The following PPM1E variants were observed in gnomAD, a reference collection of about 807,000 sequenced individuals.
PPM1E encodes the protein protein phosphatase 1E.
A neutral mutation model predicts 65.9 loss-of-function variants in PPM1E; 20 were observed. The ratio of observed to expected loss-of-function variants is 0.30; its 90% CI spans 0.21 to 0.44. The LOEUF is 0.44. PPM1E is among the 20% of genes least tolerant of loss of function. The pLI is 1.00. For missense variants in PPM1E, 713 were observed against 953.1 expected (o/e 0.75, Z 3.32); for synonymous variants, 352 against 374.9 (o/e 0.94, Z 0.70).
chr17:58,784,850 A>G lies in PPM1E; in HGVS notation c.464+28389A>G, dbSNP rs144055922. On this transcript the variant is annotated intron_variant, in intron 1 of 6. Coordinates refer to ENST00000308249, the MANE Select transcript of PPM1E (RefSeq NM_014906.5). ...ACCCATTTTTTAAATTGGGTTATTT[A>G]TCTTTTATTATTTGAATTGTAAGAG... 3.9e-4 allele frequency among the ~76,000 whole-genome samples: 59 copies of G among 152,200 alleles called. 2 individuals carry two copies. The Middle Eastern group carries it at 0.017, about 44-fold the overall frequency.
chr17:58,947,110 G>GTTTTTT (rs56666470), intron 1 of PPM1E, among the ~76,000 whole-genome samples: 1 of 44,072 alleles, frequency 2.3e-5, no homozygotes. Context: ...CCTTTTTCCT[G>GTTTTTT]TTTTTTTTTT....
intron 1 of PPM1E, among the ~76,000 whole-genome samples, chr17:58,771,103 C>T (rs1027398236): frequency 6.6e-6 from 1 of 151,810 alleles, no homozygotes; most frequent in African/African-American, 2.4e-5. Context: ...GATCTGCCCA[C>T]CTTGGCCTCC....
intron 1 of PPM1E, among the ~76,000 whole-genome samples, chr17:58,827,282 T>A (rs2050548238): frequency 6.6e-6 from 1 of 151,690 alleles, no homozygotes; most frequent in Non-Finnish European, 1.5e-5. Flanking sequence ...TGATTATAGG[T>A]GCCCGCCACC....
At chr17:58,944,020 A>T (rs1056650288) in intron 1 of PPM1E, among the ~76,000 whole-genome samples, 3 of 152,082 alleles carry the variant, frequency 2.0e-5, no homozygotes, top group Non-Finnish European at 4.4e-5. Context: ...TCTTTTTCCA[A>T]CTAAGGAAAT....
At chr17:58,835,212 G>A (rs1473708594) in intron 1 of PPM1E, among the ~76,000 whole-genome samples, 4 of 152,036 alleles carry the variant, frequency 2.6e-5, no homozygotes, top group South Asian at 2.1e-4. Flanking sequence ...ATGGTGGCAC[G>A]TGCCTGTAGT....
chr17:58,968,026 T>C (rs979647827), intron 3 of PPM1E, among the ~76,000 whole-genome samples: 8 of 152,014 alleles, frequency 5.3e-5, no homozygotes, highest in Non-Finnish European at 1.2e-4. Flanking sequence ...ATGGTCTTGA[T>C]CTCTTGACCT....
intron 1 of PPM1E, among the ~76,000 whole-genome samples, chr17:58,869,260 C>G (rs1306687822): frequency 1.3e-5 from 2 of 151,930 alleles, no homozygotes; most frequent in Non-Finnish European, 2.9e-5. Flanking sequence ...ATGTTTTTTC[C>G]CCAAATCTTT....
intron 1 of PPM1E, among the ~76,000 whole-genome samples, chr17:58,861,218 A>G (rs948537515): frequency 3.3e-5 from 5 of 152,356 alleles, no homozygotes; most frequent in Non-Finnish European, 5.9e-5. Flanking sequence ...GTAATTTATC[A>G]GCATTGTCTT....
In PPM1E at chr17:58,933,293, T is replaced by G. The variant is rs551936245; in HGVS notation, c.465-22356T>G. Among the ~76,000 whole-genome samples, 25 of 152,334 alleles carry G rather than the reference T, an allele frequency of 1.6e-4. No homozygotes were observed. The South Asian group carries it at 4.8e-3, about 29-fold the overall frequency. On this transcript the variant is annotated intron_variant, in intron 1 of 6. Transcript: ENST00000308249. ...AATAATATTTTAAAACTCACTGATTTAACCAAATATTGGGAGAATTGAGGG... is the reference window on the plus strand; with the variant it reads ...AATAATATTTTAAAACTCACTGATTGAACCAAATATTGGGAGAATTGAGGG...
intron 3 of PPM1E, 51 bp downstream of exon 3, chr17:58,965,944 C>T (rs1443259005): frequency 6.6e-7 from 1 of 1,522,930 alleles, no homozygotes; most frequent in African/African-American, 1.4e-5. Flanking sequence ...AAAACAAACA[C>T]CTTCATGGTC....
intron 1 of PPM1E, among the ~76,000 whole-genome samples, chr17:58,928,699 C>T (rs976143155): frequency 4.7e-5 from 7 of 149,562 alleles, no homozygotes; most frequent in African/African-American, 1.5e-4. Flanking sequence ...TACTCACACA[C>T]GAATTTTTTT....
chr17:58,761,845 G>A (rs2049824403), intron 1 of PPM1E, among the ~76,000 whole-genome samples: 1 of 152,170 alleles, frequency 6.6e-6, no homozygotes. Flanking sequence ...CACTAGACCA[G>A]AGGTCTCCAA....
At chr17:58,899,486 C>A in intron 1 of PPM1E, 2 of 230,864 alleles carry the variant, frequency 8.7e-6, no homozygotes, top group Non-Finnish European at 1.8e-5. Flanking sequence ...GTGTATGTCA[C>A]GTTGGTGGAG....
At chr17:58,766,425 C>T (rs2049879447) in intron 1 of PPM1E, among the ~76,000 whole-genome samples, 1 of 151,518 alleles carries the variant, frequency 6.6e-6, no homozygotes, top group Admixed American at 6.6e-5. Context: ...TGGTCTCGAA[C>T]TCCCGACCTC....
At chr17:58,783,513 A>G (rs1444524892) in intron 1 of PPM1E, among the ~76,000 whole-genome samples, 1 of 152,190 alleles carries the variant, frequency 6.6e-6, no homozygotes, top group Non-Finnish European at 1.5e-5. Flanking sequence ...TTTAGGTACT[A>G]CCTTTGAGAA....
intron 1 of PPM1E, chr17:58,899,602 G>A: frequency 4.5e-6 from 1 of 220,714 alleles, no homozygotes; most frequent in Non-Finnish European, 9.6e-6. Context: ...CCTGTAAAGT[G>A]GTTGGTTGCA....
At chr17:58,793,165 T>A (rs2050172747) in intron 1 of PPM1E, among the ~76,000 whole-genome samples, 2 of 152,056 alleles carry the variant, frequency 1.3e-5, no homozygotes, top group Admixed American at 1.3e-4. Flanking sequence ...TTTTCCTGAT[T>A]TGTTATACTC....
intron 1 of PPM1E, among the ~76,000 whole-genome samples, chr17:58,919,179 G>A (rs1191612321): frequency 6.6e-6 from 1 of 152,122 alleles, no homozygotes; most frequent in Non-Finnish European, 1.5e-5. Flanking sequence ...GAAGATAATG[G>A]ATAGGAATAG....
At chr17:58,792,482 A>C (rs1262875657) in intron 1 of PPM1E, among the ~76,000 whole-genome samples, 1 of 151,332 alleles carries the variant, frequency 6.6e-6, no homozygotes, top group East Asian at 1.9e-4. Flanking sequence ...CTGGGACTAC[A>C]GGTGTGCACC....
Sources: gnomAD v4.1 joint callset for allele counts (sites outside exome capture counted in the v4.1 genomes callset) on GRCh38, gnomAD v4.1.1 for gene constraint, MANE v1.5 for transcripts, NCBI Gene and HGNC (gene_info 2026-07-23, HGNC 2026-07-21) for gene names.